The following EBF1 variants were observed in gnomAD, a reference collection of about 807,000 sequenced individuals.
The protein encoded by EBF1 is transcription factor COE1.
Under a neutral mutation model 68.4 loss-of-function variants are expected in EBF1, and 10 were observed. The ratio of observed to expected loss-of-function variants is 0.15; its 90% CI spans 0.09 to 0.25. EBF1 has a LOEUF of 0.25. Ranked by LOEUF, EBF1 falls within the 10% of genes least tolerant of loss-of-function variation. The probability of loss-of-function intolerance (pLI) is 1.00; values close to 1 mark genes in which losing one functional copy is unlikely to be tolerated. For missense variants in EBF1, 509 were observed against 794.4 expected, an observed-to-expected ratio of 0.64 and a Z score of 4.32; for synonymous variants, 298 against 299.8, an observed-to-expected ratio of 0.99 and a Z score of 0.06.
At chr5:158,796,244 G>A (rs143090862) in intron 9 of EBF1, 101 bp downstream of exon 9, 3 of 1,256,180 alleles carry the variant, frequency 2.4e-6, no homozygotes, top group East Asian at 2.9e-5. Flanking sequence ...CCCACCCAGA[G>A]CGGCACCACT....
intron 6 of EBF1, among the ~76,000 whole-genome samples, chr5:159,049,035 C>T (rs1773007710): frequency 6.6e-6 from 1 of 152,226 alleles, no homozygotes; most frequent in African/African-American, 2.4e-5. Context: ...TTTTGTCACA[C>T]CATTCCCCTG....
chr5:158,908,358 T>C (rs1235002184), intron 6 of EBF1, among the ~76,000 whole-genome samples: 3 of 152,224 alleles, frequency 2.0e-5, no homozygotes, highest in African/African-American at 7.2e-5. Context: ...TTGCCACAGA[T>C]AAATTAACTT....
intron 6 of EBF1, among the ~76,000 whole-genome samples, chr5:158,890,018 T>G (rs981527229): frequency 1.3e-5 from 2 of 152,136 alleles, no homozygotes; most frequent in Admixed American, 6.6e-5. Flanking sequence ...ATATAAAGGA[T>G]TTGAGCATCT....
intron 6 of EBF1, among the ~76,000 whole-genome samples, chr5:158,933,827 C>T (rs1416137216): frequency 6.6e-6 from 1 of 152,150 alleles, no homozygotes; most frequent in Non-Finnish European, 1.5e-5. Flanking sequence ...ATTAGATCTG[C>T]TCACACCCCA....
intron 6 of EBF1, among the ~76,000 whole-genome samples, chr5:158,928,176 T>A (rs1426159153): frequency 6.6e-6 from 1 of 152,164 alleles, no homozygotes; most frequent in Non-Finnish European, 1.5e-5. Flanking sequence ...TAGCCTGATC[T>A]CTCTTTGACT....
At chr5:158,803,628 T>A (rs1781031534) in intron 8 of EBF1, among the ~76,000 whole-genome samples, 2 of 152,004 alleles carry the variant, frequency 1.3e-5, no homozygotes, top group African/African-American at 2.4e-5. Context: ...GTATGCAAAC[T>A]TCACTTTCAG....
At chr5:159,072,627 T>C (rs1778014546) in intron 6 of EBF1, among the ~76,000 whole-genome samples, 1 of 152,240 alleles carries the variant, frequency 6.6e-6, no homozygotes, top group African/African-American at 2.4e-5. Context: ...CAATGAGTAA[T>C]GCTATGTAAC....
At chr5:158,844,187 C>CCT (rs1554159184) in intron 6 of EBF1, among the ~76,000 whole-genome samples, 4 of 82,478 alleles carry the variant, frequency 4.8e-5, no homozygotes, top group African/African-American at 1.8e-4. Context: ...TTAACTCAAG[C>CCT]CTTTTTTTTT....
intron 6 of EBF1, among the ~76,000 whole-genome samples, chr5:159,026,679 A>G (rs369332763): frequency 1.7e-4 from 26 of 152,152 alleles, no homozygotes; most frequent in African/African-American, 5.3e-4. Flanking sequence ...ATGTTCTCAA[A>G]TCAAATTTTT....
At chr5:158,795,055 G>T (rs752584295) in intron 9 of EBF1, among the ~76,000 whole-genome samples, 5 of 152,206 alleles carry the variant, frequency 3.3e-5, no homozygotes, top group Non-Finnish European at 7.3e-5. Flanking sequence ...GCACAAGCTA[G>T]CAAGGGGCCT....
chr5:158,804,196 A>G (rs1037782878), intron 8 of EBF1, among the ~76,000 whole-genome samples: 16 of 152,016 alleles, frequency 1.1e-4, no homozygotes, highest in African/African-American at 3.9e-4. Context: ...ATTCACAGGC[A>G]CTATTTGGAA....
intron 9 of EBF1, among the ~76,000 whole-genome samples, chr5:158,786,050 C>T (rs1283915625): frequency 6.6e-6 from 1 of 151,966 alleles, no homozygotes; most frequent in Non-Finnish European, 1.5e-5. Flanking sequence ...CATTAGCCAC[C>T]ACTAATAATT....
At chr5:158,942,293 TTAAC>T (rs1219612241) in intron 6 of EBF1, among the ~76,000 whole-genome samples, 20 of 152,322 alleles carry the variant, frequency 1.3e-4, no homozygotes, top group Admixed American at 7.8e-4. Context: ...TATAATATCA[TTAAC>T]TAACTGTCAA....
rs1248655112 is a variant in EBF1 at position 158,802,471 on chromosome 5, C to G, written c.779-5996G>C. Among the ~76,000 whole-genome samples, 4 of 152,078 alleles carry G rather than the reference C, an allele frequency of 2.6e-5. No homozygotes were observed. In the East Asian group the frequency reaches 7.7e-4, roughly 29 times the overall value. ...ATTACATATGGTGTAGGAAAACGTG[C>G]ACACTCTCCTTTTCCAGAATTCTAT... On this transcript the variant is annotated intron_variant, in intron 8 of 15. Coordinates refer to ENST00000313708, the MANE Select transcript of EBF1 (RefSeq NM_024007.5).
chr5:159,065,649 T>TA (rs552394085), intron 6 of EBF1, among the ~76,000 whole-genome samples: 34 of 146,424 alleles, frequency 2.3e-4, no homozygotes, highest in East Asian at 5.9e-4. Flanking sequence ...AAAAGGACAT[T>TA]AAAAAAAAAA....
intron 15 of EBF1, among the ~76,000 whole-genome samples, chr5:158,701,685 T>C (rs149493928): frequency 6.6e-6 from 1 of 152,370 alleles, no homozygotes; most frequent in East Asian, 1.9e-4. Flanking sequence ...CAGCCACTGA[T>C]CTTCTCAAAT....
intron 8 of EBF1, among the ~76,000 whole-genome samples, chr5:158,797,997 A>C (rs1428928334): frequency 6.6e-6 from 1 of 152,222 alleles, no homozygotes; most frequent in African/African-American, 2.4e-5. Context: ...GTGACCTTTA[A>C]AAGTAAAAAA....
intron 6 of EBF1, among the ~76,000 whole-genome samples, chr5:158,940,528 T>C (rs1813010870): frequency 6.6e-6 from 1 of 152,062 alleles, no homozygotes; most frequent in Non-Finnish European, 1.5e-5. Context: ...AGCTGGCAAG[T>C]GGTGAAGCTG....
At chr5:158,952,249 C>T (rs146536792) in intron 6 of EBF1, among the ~76,000 whole-genome samples, 162 of 152,088 alleles carry the variant, frequency 1.1e-3, no homozygotes, top group Non-Finnish European at 1.6e-3. Context: ...TAGGGAAAGG[C>T]GATAATTAAC....
Sources: gnomAD v4.1 joint callset for allele counts (sites outside exome capture counted in the v4.1 genomes callset) on GRCh38, gnomAD v4.1.1 for gene constraint, MANE v1.5 for transcripts, NCBI Gene and HGNC (gene_info 2026-07-23, HGNC 2026-07-21) for gene names.